GAK: variants seen among roughly 807,000 people sequenced by gnomAD.
The protein encoded by GAK is cyclin-G-associated kinase.
A neutral mutation model predicts 143.9 loss-of-function variants in GAK; 79 were observed. The ratio of observed to expected loss-of-function variants is 0.55; its 90% CI spans 0.46 to 0.66. The LOEUF (loss-of-function observed/expected upper bound fraction) is 0.66, where lower values mean the gene tolerates loss of function less well. GAK is among the 30% of genes least tolerant of loss of function. GAK has a pLI of 0.00. For synonymous variants in GAK, 881 were observed against 765.5 expected, an observed-to-expected ratio of 1.15 and a Z score of -2.49; for missense variants, 1,693 against 1,779.7, an observed-to-expected ratio of 0.95 and a Z score of 0.88.
intron 18 of GAK, among the ~76,000 whole-genome samples, chr4:871,598 C>T (rs1298032080): frequency 6.6e-6 from 1 of 151,672 alleles, no homozygotes; most frequent in East Asian, 1.9e-4. Flanking sequence ...CTGTGGGGAG[C>T]AGGGCAGAGG....
intron 5 of GAK, among the ~76,000 whole-genome samples, chr4:899,047 G>A (rs908748960): frequency 6.6e-6 from 1 of 152,182 alleles, no homozygotes; most frequent in South Asian, 2.1e-4. Flanking sequence ...AGGCAGCAAC[G>A]CAGTGACTCA....
intron 24 of GAK, among the ~76,000 whole-genome samples, chr4:854,077 C>G (rs1361355817): frequency 1.3e-5 from 2 of 151,716 alleles, no homozygotes; most frequent in African/African-American, 4.8e-5. Context: ...GGATTACAGG[C>G]ATGAGCCACC....
rs1288984987 is a variant in GAK, at chr4:890,602, G to A, written c.1011C>T (p.Gly337=). The A allele has an allele frequency of 1.6e-5, 26 of 1,611,452 alleles. No homozygotes were observed. In the Admixed American group the frequency reaches 4.2e-4, roughly 26 times the overall value. ...CTCGGGACAGTGTGGCGCTCCCGTA[G>A]CCTCCATTCTGCTCCAGGAGCTGTG... ...PITELLEQNG[G]YGSATLSRGP... is the part of the protein sequence containing the mutation. The change falls in exon 10 of 28, where the codon GGC becomes GGT. Residue 337 remains glycine (G), a synonymous_variant. Transcript: ENST00000314167.
At chr4:871,590 G>C (rs1022838981) in intron 18 of GAK, among the ~76,000 whole-genome samples, 1 of 152,158 alleles carries the variant, frequency 6.6e-6, no homozygotes, top group African/African-American at 2.4e-5. Flanking sequence ...AGGCTGAGCT[G>C]TGGGGAGCAG....
At chr4:900,256 C>T (rs1560396347) in intron 5 of GAK, among the ~76,000 whole-genome samples, 1 of 152,246 alleles carries the variant, frequency 6.6e-6, no homozygotes, top group Non-Finnish European at 1.5e-5. Flanking sequence ...AAGCTGTGCG[C>T]ACAGCAGGAC....
chr4:910,296 A>G (rs1721816502), intron 4 of GAK, among the ~76,000 whole-genome samples: 1 of 151,214 alleles, frequency 6.6e-6, no homozygotes, highest in African/African-American at 2.4e-5. Flanking sequence ...AGCCCTCAGC[A>G]GTACAGAGCC....
chr4:868,587 T>TG lies in GAK; in HGVS notation c.2346_2347insC (p.Ser783GlnfsTer45). On this transcript the variant is annotated frameshift_variant, in exon 20 of 28. Coordinates refer to ENST00000314167, the MANE Select transcript of GAK (RefSeq NM_005255.4). LOFTEE classifies it high-confidence loss of function. ...AAGCGACTGGCGTCCGCGCTGCTGC[T>TG]TGGCGGTGAGTCAGAGTCTGTGGGT... 1 of 1,604,868 alleles carries TG rather than the reference T, an allele frequency of 6.2e-7. No homozygotes were observed. Among genetic ancestry groups the TG allele is most frequent in the South Asian group, 1.1e-5 (1 of 89,530 alleles).
At chr4:921,355 A>G (rs1452563746) in intron 1 of GAK, among the ~76,000 whole-genome samples, 1 of 152,174 alleles carries the variant, frequency 6.6e-6, no homozygotes, top group Admixed American at 6.5e-5. Flanking sequence ...TGGCCTCCCA[A>G]AGTGCTGGGA....
intron 10 of GAK, among the ~76,000 whole-genome samples, chr4:890,278 TCC>T: frequency 6.6e-6 from 1 of 152,110 alleles, no homozygotes; most frequent in East Asian, 1.9e-4. Flanking sequence ...TGGAGCCTCT[TCC>T]CTTGGCTGGC....
intron 4 of GAK, among the ~76,000 whole-genome samples, chr4:909,480 C>T (rs1721655201): frequency 6.6e-6 from 1 of 152,150 alleles, no homozygotes; most frequent in African/African-American, 2.4e-5. Context: ...ATGGGGGAGA[C>T]AGCCCAGCAC....
chr4:930,872 A>G (rs540740764), intron 1 of GAK, among the ~76,000 whole-genome samples: 6 of 152,284 alleles, frequency 3.9e-5, no homozygotes, highest in African/African-American at 1.4e-4. Context: ...TGTGATAATC[A>G]GAATTCTGGG....
chr4:885,726 T>G (rs1716196169), intron 11 of GAK: 1 of 150,834 alleles, frequency 6.6e-6, no homozygotes, highest in Non-Finnish European at 1.5e-5. Flanking sequence ...GGCTTGTCCG[T>G]GGGGGAGAGC....
At chr4:900,024 G>A (rs1219024556) in intron 5 of GAK, among the ~76,000 whole-genome samples, 3 of 152,256 alleles carry the variant, frequency 2.0e-5, no homozygotes, top group Non-Finnish European at 4.4e-5. Flanking sequence ...CTCACAGGAC[G>A]CCCAGAGAAA....
In GAK at chr4:851,967, T is replaced by G. The variant is rs1381707303; in HGVS notation, c.3291A>C (p.Pro1097=). The change falls in exon 25 of 28, where the codon CCA becomes CCC. Residue 1097 remains proline, a synonymous_variant. Coordinates refer to ENST00000314167, the MANE Select transcript of GAK (RefSeq NM_005255.4). The part of the protein sequence containing the change: ...GDLSSGLQGS[P]AGFPPGGFIP... ...TGAAGCCCCCAGGAGGGAATCCAGC[T>G]GGTGAGCCTGTGGAGATGGAGATCG... 2 of 1,613,486 alleles carry G rather than the reference T, an allele frequency of 1.2e-6. No homozygotes were observed. The highest frequency in any genetic ancestry group is 2.2e-5 in the South Asian group (2 of 91,036).
chr4:862,847 T>C (rs1367711208), intron 23 of GAK, among the ~76,000 whole-genome samples: 1 of 152,214 alleles, frequency 6.6e-6, no homozygotes, highest in Non-Finnish European at 1.5e-5. Flanking sequence ...ACAATGCAGC[T>C]GGTCACCCAA....
intron 18 of GAK, among the ~76,000 whole-genome samples, chr4:875,286 A>G (rs1185889265): frequency 6.6e-6 from 1 of 152,246 alleles, no homozygotes; most frequent in East Asian, 1.9e-4. Context: ...CAAAATTATT[A>G]AAGTTGCGAA....
At chr4:854,667 C>G (rs947266801) in intron 24 of GAK, among the ~76,000 whole-genome samples, 27 of 152,324 alleles carry the variant, frequency 1.8e-4, no homozygotes, top group African/African-American at 5.3e-4. Context: ...TGTCTGCCAT[C>G]GCCGCAATGT....
In GAK at chr4:882,922, C is replaced by A. The variant is rs936804377; in HGVS notation, c.1405-103G>T. 9.6e-6 allele frequency: 14 copies of A among 1,464,338 alleles called. No individual in the cohort carries two copies. The South Asian group carries it at 1.5e-4, about 16-fold the overall frequency. 90.7% of individuals were successfully genotyped at this position (1,464,338 alleles called of 1,614,324 possible). A position where few individuals can be genotyped will look rare whatever the true frequency, so the allele number is the denominator to read the frequency against. ...CCTGCAGTGCGGGGGCCTCCGCCAG[C>A]TGGTGTCATGAACAGGCGTCCACCT... On this transcript the variant is annotated intron_variant, in intron 13 of 27. Transcript: ENST00000314167.
chr4:907,284 T>TA (rs1241248471), intron 4 of GAK, among the ~76,000 whole-genome samples: 1 of 152,190 alleles, frequency 6.6e-6, no homozygotes, highest in Non-Finnish European at 1.5e-5. Flanking sequence ...CTGCCGGCCC[T>TA]GGCCCTCAAC....
Sources: gnomAD v4.1 joint callset for allele counts (sites outside exome capture counted in the v4.1 genomes callset) on GRCh38, gnomAD v4.1.1 for gene constraint, MANE v1.5 for transcripts, NCBI Gene and HGNC (gene_info 2026-07-23, HGNC 2026-07-21) for gene names.